PLXNC1: variants seen among roughly 807,000 people sequenced by gnomAD.
PLXNC1 encodes the protein plexin-C1.
In PLXNC1, 75 loss-of-function variants were observed where a neutral mutation model predicts 178.2. The observed-to-expected ratio is 0.42, with a 90% CI of 0.35 to 0.51. The LOEUF (loss-of-function observed/expected upper bound fraction) is 0.51. Among genes scored for constraint, PLXNC1 ranks in the 20% least tolerant of loss-of-function variants. The probability of loss-of-function intolerance (pLI) is 0.02; values close to 1 mark genes in which losing one functional copy is unlikely to be tolerated. For synonymous variants in PLXNC1, 790 were observed against 779.9 expected (o/e 1.01, Z -0.22); for missense variants, 1,503 against 1,984.4 (o/e 0.76, Z 4.61).
intron 11 of PLXNC1, 83 bp downstream of exon 11, chr12:94,240,747 C>G (rs2136051909): frequency 2.7e-6 from 3 of 1,106,590 alleles, no homozygotes; most frequent in East Asian, 4.8e-5. Flanking sequence ...CAAGTAAATT[C>G]AGAAACAGTG....
At chr12:94,276,704 C>T (rs910803233) in intron 21 of PLXNC1, among the ~76,000 whole-genome samples, 1 of 152,152 alleles carries the variant, frequency 6.6e-6, no homozygotes, top group African/African-American at 2.4e-5. Context: ...GGAGAGGGCT[C>T]GGGTGTGAGG....
intron 23 of PLXNC1, among the ~76,000 whole-genome samples, chr12:94,292,181 A>G (rs1967408141): frequency 2.0e-5 from 3 of 152,214 alleles, no homozygotes. Context: ...CTGACCCTCA[A>G]AATCTAGACA....
intron 21 of PLXNC1, chr12:94,272,003 G>C (rs1438347813): frequency 6.6e-6 from 1 of 151,940 alleles, no homozygotes; most frequent in African/African-American, 2.4e-5. Context: ...CCATTGGGCA[G>C]ATGTGAACAG....
At chr12:94,288,400 C>CAT (rs1184558579) in intron 23 of PLXNC1, among the ~76,000 whole-genome samples, 1 of 152,206 alleles carries the variant, frequency 6.6e-6, no homozygotes, top group African/African-American at 2.4e-5. Context: ...GTTTCCCACA[C>CAT]ATTCTTGGTG....
chr12:94,175,451 C>T (rs1351944104), intron 2 of PLXNC1, among the ~76,000 whole-genome samples: 1 of 152,130 alleles, frequency 6.6e-6, no homozygotes, highest in Non-Finnish European at 1.5e-5. Flanking sequence ...TGATATCCTT[C>T]CTGTGGGTGA....
intron 4 of PLXNC1, among the ~76,000 whole-genome samples, chr12:94,200,207 A>G (rs1035284665): frequency 6.6e-6 from 1 of 152,262 alleles, no homozygotes. Context: ...AAGCACCATT[A>G]AGAACATCCC....
intron 1 of PLXNC1, among the ~76,000 whole-genome samples, chr12:94,163,919 T>C (rs149819919): frequency 2.0e-5 from 3 of 152,280 alleles, no homozygotes; most frequent in African/African-American, 7.2e-5. Context: ...GTCCTTTCCA[T>C]CTCCTTAGCT....
chr12:94,298,819 C>T, intron 27 of PLXNC1, 24 bp downstream of exon 27: 1 of 1,595,676 alleles, frequency 6.3e-7, no homozygotes, highest in Non-Finnish European at 8.5e-7. Context: ...TGATTAGTGA[C>T]TGTTTTCAAG....
At chr12:94,289,480 T>C (rs1490366012) in intron 23 of PLXNC1, among the ~76,000 whole-genome samples, 1 of 152,206 alleles carries the variant, frequency 6.6e-6, no homozygotes, top group Non-Finnish European at 1.5e-5. Flanking sequence ...ATCCATCTAG[T>C]GACATTAATC....
chr12:94,189,203 A>G (rs990388033), intron 4 of PLXNC1, among the ~76,000 whole-genome samples: 1 of 152,240 alleles, frequency 6.6e-6, no homozygotes, highest in Non-Finnish European at 1.5e-5. Flanking sequence ...CGGAAAATAC[A>G]TCAAGAAAGG....
chr12:94,197,437 T>TGTCTCTC (rs1555198027), intron 4 of PLXNC1, among the ~76,000 whole-genome samples: 1 of 148,542 alleles, frequency 6.7e-6, no homozygotes, highest in Non-Finnish European at 1.5e-5. Flanking sequence ...TTAGGCCCCT[T>TGTCTCTC]TCTCTCTCTC....
At chr12:94,290,031 T>C (rs927448398) in intron 23 of PLXNC1, among the ~76,000 whole-genome samples, 1 of 152,240 alleles carries the variant, frequency 6.6e-6, no homozygotes, top group Non-Finnish European at 1.5e-5. Flanking sequence ...GCAGCGTTCC[T>C]TATCAGAAGG....
chr12:94,179,740 C>CAAAAAAA (rs63329860), intron 2 of PLXNC1, among the ~76,000 whole-genome samples: 1 of 80,312 alleles, frequency 1.2e-5, no homozygotes, highest in African/African-American at 4.7e-5. Context: ...GACTCCATCT[C>CAAAAAAA]AAAAAAAAAA....
At chr12:94,158,116 G>A (rs1177730029) in intron 1 of PLXNC1, 2 of 152,214 alleles carry the variant, frequency 1.3e-5, no homozygotes, top group Non-Finnish European at 2.9e-5. Context: ...ACAGTCTGAT[G>A]CTCATGGCAA....
At chr12:94,271,017 T>C (rs754751452) in intron 21 of PLXNC1, among the ~76,000 whole-genome samples, 2 of 152,168 alleles carry the variant, frequency 1.3e-5, no homozygotes, top group Non-Finnish European at 2.9e-5. Flanking sequence ...TCCCTCAGAC[T>C]TGCACTTCTA....
Position 94,209,717 on chromosome 12 carries a change from A to G in PLXNC1, c.1554+13A>G. On this transcript the variant is annotated intron_variant, in intron 5 of 30. Coordinates refer to ENST00000258526, the MANE Select transcript of PLXNC1 (RefSeq NM_005761.3). ...CAGTAAAGAAAAGGTAAGAGGAAAGATTTTAATTTGTCCTCGTTGTATTGT... is the reference window on the plus strand; with the variant it reads ...CAGTAAAGAAAAGGTAAGAGGAAAGGTTTTAATTTGTCCTCGTTGTATTGT... 8 of 1,481,618 alleles carry G rather than the reference A, an allele frequency of 5.4e-6. No individual in the cohort carries two copies. Among genetic ancestry groups the G allele is most frequent in the Non-Finnish European group, 7.5e-6 (8 of 1,060,192 alleles). The allele number at this position is 1,481,618 out of a possible 1,614,324, so 91.8% of individuals were successfully genotyped here.
At chr12:94,216,781 T>A (rs549349009) in intron 5 of PLXNC1, among the ~76,000 whole-genome samples, 5 of 152,078 alleles carry the variant, frequency 3.3e-5, no homozygotes, top group Non-Finnish European at 7.4e-5. Context: ...CTGATAAGAG[T>A]GTTGTGCAGC....
In PLXNC1 at chr12:94,297,208, C is replaced by T; in HGVS notation, c.3954C>T (p.Asp1318=). The part of the protein sequence containing the change: ...NFTSDVEYSD[D]HCHLILPDSE... ...ATTCAGATGTGGAGTACTCGGATGA[C>T]CACTGCCATTTGGTGAGTTCAGGCT... Residue 1318 remains aspartate, a synonymous_variant, in exon 25 of 31, where the codon GAC becomes GAT. Transcript: ENST00000258526. The T allele has an allele frequency of 1.2e-6, 2 of 1,614,042 alleles. No individual in the cohort carries two copies. Among genetic ancestry groups the T allele is most frequent in the Non-Finnish European group, 1.7e-6 (2 of 1,179,966 alleles).
chr12:94,211,660 A>G (rs1373266113), intron 5 of PLXNC1, among the ~76,000 whole-genome samples: 1 of 152,246 alleles, frequency 6.6e-6, no homozygotes, highest in Admixed American at 6.5e-5. Flanking sequence ...ATTTCTTTCC[A>G]CAAAACAATT....
Sources: allele counts gnomAD v4.1 joint callset (sites outside exome capture counted in the v4.1 genomes callset), GRCh38; gene constraint gnomAD v4.1.1; transcripts MANE v1.5; gene names NCBI Gene and HGNC (gene_info 2026-07-23, HGNC 2026-07-21).